ANKRD46: variants seen among roughly 807,000 people sequenced by gnomAD.
ANKRD46 encodes the protein ankyrin repeat domain 46.
ANKRD46 carries 13 observed loss-of-function variants against 19.8 expected under a neutral mutation model. The observed-to-expected ratio is 0.66, with a 90% confidence interval of 0.43 to 1.04. The LOEUF (loss-of-function observed/expected upper bound fraction) is 1.04. ANKRD46 is among the 50% of genes least tolerant of loss of function. The pLI is 0.00. For missense variants in ANKRD46, 185 were observed against 274.8 expected, an observed-to-expected ratio of 0.67 and a Z score of 2.31; for synonymous variants, 91 against 106.9, an observed-to-expected ratio of 0.85 and a Z score of 0.92.
rs1477506926 is a variant in ANKRD46, at chr8:100,534,526, T to C, written c.-130-1215A>G. Among the ~76,000 whole-genome samples, 1 of 152,232 alleles carries C rather than the reference T, an allele frequency of 6.6e-6. No homozygotes were observed. Among genetic ancestry groups the C allele is most frequent in the Non-Finnish European group, 1.5e-5 (1 of 68,040 alleles). On this transcript the variant is annotated intron_variant, in intron 1 of 4. Transcript: ENST00000335659. The surrounding 1 kb of genome is among the most constrained non-coding windows in gnomAD (Gnocchi z 4.2). ...AAAGCCTAATATTTTTCCTCTCTTG[T>C]CCTGACCTCTAGAGCTGAGTCTTTA...
chr8:100,524,606 A>C lies in ANKRD46; in HGVS notation c.471-1835T>G, dbSNP rs140190007. On this transcript the variant is annotated intron_variant, in intron 4 of 4. Transcript: ENST00000335659. This position sits in a 1 kb window ranked among gnomAD's most constrained non-coding sequence, Gnocchi z 4.3. ...CAGTAATTTTGGAACACTTGACAGC[A>C]AGTTTAAAAATAAGATTAGAACTTT... Among the ~76,000 whole-genome samples, 1 of 152,294 alleles carries C rather than the reference A, an allele frequency of 6.6e-6. No homozygotes were observed. Among genetic ancestry groups the C allele is most frequent in the East Asian group, 1.9e-4 (1 of 5,192 alleles).
Position 100,529,659 on chromosome 8 carries a change from C to T in ANKRD46, c.175G>A (p.Asp59Asn), listed in dbSNP as rs1266001223. The part of the protein sequence containing the change: ...LHLAAARGNV[D>N]ICQLLHKFGA... ...AATTTATGCAGTAACTGGCAGATGT[C>T]TACATTCCCTCGAGCTGCTGCAAGG... Residue 59 changes from aspartate to asparagine, a missense_variant, in exon 3 of 5, where the codon GAC becomes AAC. Physicochemically the swap from Asp to Asn is conservative, Grantham distance 23 (BLOSUM62 1). Coordinates refer to ENST00000335659, the MANE Select transcript of ANKRD46 (RefSeq NM_001270377.2). This position sits in a 1 kb window ranked among gnomAD's most constrained non-coding sequence, Gnocchi z 5.8. 6.2e-7 allele frequency: 1 copy of T among 1,614,252 alleles called. No homozygotes were observed. Among genetic ancestry groups the T allele is most frequent in the Admixed American group, 1.7e-5 (1 of 60,020 alleles).
intron 3 of ANKRD46, 61 bp from the exon 4 acceptor site, chr8:100,528,064 C>T: frequency 1.4e-6 from 2 of 1,424,406 alleles, no homozygotes; most frequent in Non-Finnish European, 9.2e-7. Flanking sequence ...AGCAGTTATA[C>T]TACATTGTCA....
At chr8:100,535,373 A>T (rs1396855158) in intron 1 of ANKRD46, among the ~76,000 whole-genome samples, 3 of 152,218 alleles carry the variant, frequency 2.0e-5, no homozygotes, top group Non-Finnish European at 4.4e-5. Context: ...CAGTTGTAAG[A>T]AATAACACAG....
chr8:100,509,823 C>T (rs1171687354), exon 6 of ANKRD46: 2 of 152,196 alleles, frequency 1.3e-5, no homozygotes, highest in Non-Finnish European at 2.9e-5. Flanking sequence ...GTGCCTGATA[C>T]TTCAGGGATG....
chr8:100,520,181 G>T (rs141209141), downstream of ANKRD46, among the ~76,000 whole-genome samples: 713 of 152,272 alleles, frequency 4.7e-3, 2 homozygotes, highest in Non-Finnish European at 6.5e-3. Context: ...GCCAGGGTTG[G>T]AGCTTGAATA....
chr8:100,516,047 T>C (rs1811626170), downstream of ANKRD46, among the ~76,000 whole-genome samples: 1 of 152,126 alleles, frequency 6.6e-6, no homozygotes, highest in South Asian at 2.1e-4. Flanking sequence ...TAATTTTGTG[T>C]CTTCAGTAGA....
intron 4 of ANKRD46, among the ~76,000 whole-genome samples, chr8:100,523,077 C>T (rs62515183): frequency 1.3e-5 from 2 of 151,858 alleles, no homozygotes; most frequent in African/African-American, 4.8e-5. Flanking sequence ...CCTGTAATCC[C>T]GACACTTTTG....
chr8:100,536,443 C>T lies in ANKRD46; in HGVS notation c.-130-3132G>A, dbSNP rs142369237. 3.3e-5 allele frequency among the ~76,000 whole-genome samples: 5 copies of T among 152,270 alleles called. No individual in the cohort carries two copies. In the East Asian group the frequency reaches 9.7e-4, roughly 29 times the overall value. On this transcript the variant is annotated intron_variant, in intron 1 of 4. Transcript: ENST00000335659. This position sits in a 1 kb window ranked among gnomAD's most constrained non-coding sequence, Gnocchi z 4.9. ...TGCCTGGGTTTGAACCCCAGCTCAGCTACTTACTAGCTGTATGACTTAGCA... is the reference window on the plus strand; with the variant it reads ...TGCCTGGGTTTGAACCCCAGCTCAGTTACTTACTAGCTGTATGACTTAGCA...
Position 100,521,138 on chromosome 8 carries a change from T to A in ANKRD46, c.*1417A>T. ...TTTACAACAGCTATTAAAGAGAGGA[T>A]AAAGCCACATGAAAGAGCAAGCCTC... On this transcript the variant is annotated 3_prime_UTR_variant, in exon 5 of 5. Coordinates refer to ENST00000335659, the MANE Select transcript of ANKRD46 (RefSeq NM_001270377.2). 1.0e-6 allele frequency: 1 copy of A among 984,926 alleles called. No homozygotes were observed. The highest frequency in any genetic ancestry group is 1.2e-6 in the Non-Finnish European group (1 of 829,856). The allele number at this position is 984,926 out of a possible 1,614,324, so 61.0% of individuals were successfully genotyped here.
In ANKRD46 at chr8:100,545,416, G is replaced by A. The variant is rs183398337; in HGVS notation, c.-130-12105C>T. 3.3e-5 allele frequency among the ~76,000 whole-genome samples: 5 copies of A among 152,074 alleles called. No individual in the cohort carries two copies. The highest frequency in any genetic ancestry group is 7.2e-5 in the African/African-American group (3 of 41,496). On this transcript the variant is annotated intron_variant, in intron 1 of 4. Coordinates refer to ENST00000335659, the MANE Select transcript of ANKRD46 (RefSeq NM_001270377.2). The surrounding 1 kb of genome is among the most constrained non-coding windows in gnomAD (Gnocchi z 4.7). ...AGATCAGACGGTTTTAAAATTGGTC[G>A]TTTCCCCTACACATTCTCTCTTGCC... is the stretch of plus-strand genomic sequence containing the variant.
chr8:100,523,861 C>T (rs914853484), intron 4 of ANKRD46, among the ~76,000 whole-genome samples: 2 of 152,156 alleles, frequency 1.3e-5, no homozygotes, highest in African/African-American at 4.8e-5. Context: ...CCAGGCTGGT[C>T]TTGAACTCCT....
intron 1 of ANKRD46, among the ~76,000 whole-genome samples, chr8:100,535,939 T>A (rs1170482674): frequency 1.3e-5 from 2 of 152,084 alleles, no homozygotes; most frequent in African/African-American, 4.8e-5. Flanking sequence ...TATGAAGACC[T>A]GAAGATTGTG....
intron 1 of ANKRD46, among the ~76,000 whole-genome samples, chr8:100,554,268 C>T (rs1812450756): frequency 6.6e-6 from 1 of 152,146 alleles, no homozygotes; most frequent in Non-Finnish European, 1.5e-5. Flanking sequence ...GGTGGAAGTG[C>T]TAACAATCCT....
intron 1 of ANKRD46, among the ~76,000 whole-genome samples, chr8:100,554,095 A>T (rs920662375): frequency 2.0e-5 from 3 of 152,228 alleles, no homozygotes; most frequent in Non-Finnish European, 4.4e-5. Context: ...TGTGTGTTTA[A>T]GGCAACATGA....
At position 100,510,650 on chromosome 8, in the gene ANKRD46, G is replaced by A. The variant is rs1322577891; in HGVS notation, c.637-11C>T. 3.9e-6 allele frequency: 6 copies of A among 1,527,208 alleles called. No individual in the cohort carries two copies. In the East Asian group the frequency reaches 1.2e-4, roughly 31 times the overall value. 94.6% of individuals were successfully genotyped at this position (1,527,208 alleles called of 1,614,324 possible). Reference sequence around the variant, plus strand: ...CCTCAGTGTCCTTCTCTGTAAATGTGGGGAAGACAGATTAAAAAAAAAAAA... The same window carrying A: ...CCTCAGTGTCCTTCTCTGTAAATGTAGGGAAGACAGATTAAAAAAAAAAAA... On this transcript the variant is annotated splice_polypyrimidine_tract_variant and intron_variant, in intron 5 of 5. Transcript: ENST00000520552. This position sits in a 1 kb window ranked among gnomAD's most constrained non-coding sequence, Gnocchi z 4.9.
At chr8:100,531,158 G>C (rs1247726041) in intron 2 of ANKRD46, among the ~76,000 whole-genome samples, 1 of 152,128 alleles carries the variant, frequency 6.6e-6, no homozygotes, top group African/African-American at 2.4e-5. Flanking sequence ...AAGAAACTTC[G>C]CTAGGAAATT....
Position 100,545,456 on chromosome 8 carries a change from T to G in ANKRD46, c.-130-12145A>C, listed in dbSNP as rs1812254666. 6.6e-6 allele frequency among the ~76,000 whole-genome samples: 1 copy of G among 152,170 alleles called. No homozygotes were observed. The highest frequency in any genetic ancestry group is 2.1e-4 in the South Asian group (1 of 4,828). On this transcript the variant is annotated intron_variant, in intron 1 of 4. Transcript: ENST00000335659. The surrounding 1 kb of genome is among the most constrained non-coding windows in gnomAD (Gnocchi z 4.7). ...TCTCTCTTGCCGCCATGTAAGATGT[T>G]CCTTGCTTCCCCATAACCTTCCACC... is the stretch of plus-strand genomic sequence containing the variant.
At position 100,537,300 on chromosome 8, in the gene ANKRD46, A is replaced by G. The variant is rs1812083721; in HGVS notation, c.-130-3989T>C. On this transcript the variant is annotated intron_variant, in intron 1 of 4. Transcript: ENST00000335659. The surrounding 1 kb of genome is among the most constrained non-coding windows in gnomAD (Gnocchi z 4.2). ...AGTACCACATTCTTGCTTCAAATGG[A>G]CTGACTACATTATGCCTACACAAGC... 6.6e-6 allele frequency among the ~76,000 whole-genome samples: 1 copy of G among 152,232 alleles called. No individual in the cohort carries two copies. Among genetic ancestry groups the G allele is most frequent in the East Asian group, 1.9e-4 (1 of 5,194 alleles).
Sources: gnomAD v4.1 joint callset for allele counts (sites outside exome capture counted in the v4.1 genomes callset) on GRCh38, gnomAD v4.1.1 for gene constraint, Gnocchi (gnomAD v3.1) non-coding constraint, MANE v1.5 for transcripts, NCBI Gene and HGNC (gene_info 2026-07-23, HGNC 2026-07-21) for gene names.